Variants in DHRS7 observed in about 807,000 individuals in gnomAD.
DHRS7 encodes the protein dehydrogenase/reductase 7, also known as dehydrogenase/reductase SDR family member 7.
DHRS7 carries 34 observed loss-of-function variants against 38.9 expected under a neutral mutation model. That is an observed-to-expected ratio of 0.87 (90% CI 0.66 to 1.16). DHRS7 has a LOEUF of 1.16. Ranked by LOEUF, DHRS7 falls within the 50% of genes most tolerant of loss-of-function variation. The pLI is 0.00. For missense variants in DHRS7, 421 were observed against 407.0 expected (o/e 1.03, Z -0.30); for synonymous variants, 158 against 153.1 (o/e 1.03, Z -0.24).
intron 1 of DHRS7, among the ~76,000 whole-genome samples, chr14:60,160,586 G>A (rs183436772): frequency 1.3e-5 from 2 of 151,414 alleles, no homozygotes; most frequent in African/African-American, 2.4e-5. Flanking sequence ...GTTTTTTGGC[G>A]GGGGGACGGG....
At chr14:60,159,194 G>A in intron 1 of DHRS7, 1 of 362,934 alleles carries the variant, frequency 2.8e-6, no homozygotes, top group Non-Finnish European at 5.5e-6. Context: ...AGATCTCCCT[G>A]TCAGAGGAGA....
chr14:60,145,287 T>C lies in DHRS7; in HGVS notation c.973-274A>G. The C allele has an allele frequency of 7.6e-6, 2 of 263,728 alleles. No homozygotes were observed. Among genetic ancestry groups the C allele is most frequent in the East Asian group, 7.2e-5 (1 of 13,950 alleles). 16.3% of individuals were successfully genotyped at this position (263,728 alleles called of 1,614,324 possible). ...AATGCTAAATTCTCTATAATGACTTTTCTGGATCAGCATATCATACCTACA... is the reference window on the plus strand; with the variant it reads ...AATGCTAAATTCTCTATAATGACTTCTCTGGATCAGCATATCATACCTACA... On this transcript the variant is annotated intron_variant, in intron 6 of 6. Coordinates refer to ENST00000557185, the MANE Select transcript of DHRS7 (RefSeq NM_016029.4). This position sits in a 1 kb window ranked among gnomAD's most constrained non-coding sequence, Gnocchi z 4.0.
chr14:60,151,006 TC>T (rs1387058768), intron 4 of DHRS7, among the ~76,000 whole-genome samples: 1 of 152,066 alleles, frequency 6.6e-6, no homozygotes, highest in Non-Finnish European at 1.5e-5. Context: ...ATCACTGAGG[TC>T]AGGTTTCTAT....
chr14:60,146,483 C>T lies in DHRS7; in HGVS notation c.973-1470G>A, dbSNP rs1566528307. The T allele has an allele frequency of 6.6e-6, 1 of 151,946 alleles. No homozygotes were observed. Among genetic ancestry groups the T allele is most frequent in the East Asian group, 1.9e-4 (1 of 5,194 alleles). The allele number at this position is 151,946 out of a possible 1,614,324, so 9.4% of individuals were successfully genotyped here. A position where few individuals can be genotyped will look rare whatever the true frequency, so the allele number is the denominator to read the frequency against. On this transcript the variant is annotated intron_variant, in intron 6 of 6. Transcript: ENST00000557185. The surrounding 1 kb of genome is among the most constrained non-coding windows in gnomAD (Gnocchi z 4.9). Reference sequence around the variant, plus strand: ...CATTATGGAAAATACGGAAATTCCTCAAAAAATTAAAAATAGAATTACCAT... The same window carrying T: ...CATTATGGAAAATACGGAAATTCCTTAAAAAATTAAAAATAGAATTACCAT...
Position 60,150,196 on chromosome 14 carries a change from CAAA to C in DHRS7, c.634-12_634-10del, listed in dbSNP as rs56277430. ...AGGCCATTAAAAAAACCCTAACAGA[CAAA>C]AAAAAAAAAAAAGGAAAAAGGCAAA... On this transcript the variant is annotated splice_polypyrimidine_tract_variant and intron_variant, in intron 4 of 6. Transcript: ENST00000557185. 2,568 of 1,176,994 alleles carry C rather than the reference CAAA, an allele frequency of 2.2e-3. No individual in the cohort carries two copies. Among genetic ancestry groups the C allele is most frequent in the South Asian group, 7.1e-3 (273 of 38,464 alleles). The allele number at this position is 1,176,994 out of a possible 1,614,324, so 72.9% of individuals were successfully genotyped here.
At position 60,153,843 on chromosome 14, in the gene DHRS7, G is replaced by T; in HGVS notation, c.393+116C>A. 1.3e-6 allele frequency: 1 copy of T among 795,912 alleles called. No individual in the cohort carries two copies. 49.3% of individuals were successfully genotyped at this position (795,912 alleles called of 1,614,324 possible). A position where few individuals can be genotyped will look rare whatever the true frequency, so the allele number is the denominator to read the frequency against. ...ATTAAGGGGCCCAACTCATGGGCCC[G>T]ATCTCACTGCATGGACCCCACTTGC... On this transcript the variant is annotated intron_variant, in intron 3 of 6. Coordinates refer to ENST00000557185, the MANE Select transcript of DHRS7 (RefSeq NM_016029.4). The surrounding 1 kb of genome is among the most constrained non-coding windows in gnomAD (Gnocchi z 4.4).
Position 60,156,219 on chromosome 14 carries a change from G to GA in DHRS7, c.134-68dup, listed in dbSNP as rs370446768. 8.1e-3 allele frequency: 8,777 copies of GA among 1,085,076 alleles called. 9 individuals are homozygous for GA. Among genetic ancestry groups the GA allele is most frequent in the East Asian group, 0.023 (651 of 27,954 alleles). 67.2% of individuals were successfully genotyped at this position (1,085,076 alleles called of 1,614,324 possible). A position where few individuals can be genotyped will look rare whatever the true frequency, so the allele number is the denominator to read the frequency against. ...AATTACGCTCATAAATCCAAGATTA[G>GA]AAAAAAAAAAGAAAGCCTTAAACAA... On this transcript the variant is annotated intron_variant, in intron 1 of 6. Coordinates refer to ENST00000557185, the MANE Select transcript of DHRS7 (RefSeq NM_016029.4).
chr14:60,166,967 G>A (rs1257133890), upstream of DHRS7, among the ~76,000 whole-genome samples: 1 of 146,688 alleles, frequency 6.8e-6, no homozygotes. Flanking sequence ...ACCAGAGGCT[G>A]AGAAGAGTAG....
chr14:60,156,123 C>A lies in DHRS7; in HGVS notation c.163G>T (p.Val55Leu). Residue 55 changes from valine (V) to leucine (L), a missense_variant, in exon 2 of 7, where the codon GTG (valine) becomes TTG (leucine). By Grantham distance (32) the Val-to-Leu change is conservative. Transcript: ENST00000557185. ...CCAATTCCACTCGAGGCTCCAGTCA[C>A]CCACACCACCATATCAGTCAGCTCC... ...EWELTDMVVW[V>L]TGASSGIGEE... is the part of the protein sequence containing the mutation. 1 of 1,598,184 alleles carries A rather than the reference C, an allele frequency of 6.3e-7. No homozygotes were observed. Among genetic ancestry groups the A allele is most frequent in the East Asian group, 2.3e-5 (1 of 43,618 alleles).
At chr14:60,167,615 AC>A (rs554218200), upstream of DHRS7, among the ~76,000 whole-genome samples, 7 of 152,346 alleles carry the variant, frequency 4.6e-5, no homozygotes, top group African/African-American at 1.4e-4. Flanking sequence ...AAAGCATTAT[AC>A]AAAAATAACT....
Position 60,162,280 on chromosome 14 carries a change from G to A in DHRS7, c.133+2897C>T, listed in dbSNP as rs2140613631. Among the ~76,000 whole-genome samples the A allele has an allele frequency of 1.3e-5, 2 of 152,162 alleles. No individual in the cohort carries two copies. Among genetic ancestry groups the A allele is most frequent in the Non-Finnish European group, 2.9e-5 (2 of 67,988 alleles). ...CCTAGCTACTGGGGAGGCTGAGGTG[G>A]GAGGATTGCCTGAGCCCAGGAGTTC... On this transcript the variant is annotated intron_variant, in intron 1 of 6. Coordinates refer to ENST00000557185, the MANE Select transcript of DHRS7 (RefSeq NM_016029.4). This position sits in a 1 kb window ranked among gnomAD's most constrained non-coding sequence, Gnocchi z 4.5.
intron 2 of DHRS7, 98 bp downstream of exon 2, chr14:60,155,902 G>A (rs1004117525): frequency 8.2e-7 from 1 of 1,224,840 alleles, no homozygotes; most frequent in African/African-American, 1.6e-5. Flanking sequence ...TTTGGAGCCG[G>A]GGGGAAATCT....
At chr14:60,158,478 A>G (rs1896702167) in intron 1 of DHRS7, among the ~76,000 whole-genome samples, 1 of 152,196 alleles carries the variant, frequency 6.6e-6, no homozygotes, top group African/African-American at 2.4e-5. Flanking sequence ...CATTTGTTTT[A>G]GAAACACAGG....
rs746648947 is a variant in DHRS7, at chr14:60,144,847, A to G, written c.*119T>C. 4.8e-6 allele frequency: 4 copies of G among 841,980 alleles called. No individual in the cohort carries two copies. Among genetic ancestry groups the G allele is most frequent in the Admixed American group, 2.1e-5 (1 of 48,660 alleles). The allele number at this position is 841,980 out of a possible 1,614,324, so 52.2% of individuals were successfully genotyped here. A position where few individuals can be genotyped will look rare whatever the true frequency, so the allele number is the denominator to read the frequency against. On this transcript the variant is annotated 3_prime_UTR_variant, in exon 7 of 7. Transcript: ENST00000557185. ...TTCATTCCATGTTGGAAGCAAAGTC[A>G]TATCTATTAAAAAGTAAAATCACAA...
rs759724417 is a variant in DHRS7 at position 60,144,887 on chromosome 14, A to C, written c.*79T>G. 1 of 1,198,880 alleles carries C rather than the reference A, an allele frequency of 8.3e-7. No individual in the cohort carries two copies. The highest frequency in any genetic ancestry group is 1.5e-5 in the African/African-American group (1 of 64,622). The allele number at this position is 1,198,880 out of a possible 1,614,324, so 74.3% of individuals were successfully genotyped here. On this transcript the variant is annotated 3_prime_UTR_variant, in exon 7 of 7. Transcript: ENST00000557185. ...TAAAATCACAAATTAGTCTTTGATT[A>C]TTCAGAAGCATAAGAAGATTGCTGT...
Position 60,162,191 on chromosome 14 carries a change from T to C in DHRS7, c.133+2986A>G, listed in dbSNP as rs1398681837. 2.6e-5 allele frequency among the ~76,000 whole-genome samples: 4 copies of C among 152,160 alleles called. No homozygotes were observed. The highest frequency in any genetic ancestry group is 3.9e-4 in the East Asian group (2 of 5,180). On this transcript the variant is annotated intron_variant, in intron 1 of 6. Coordinates refer to ENST00000557185, the MANE Select transcript of DHRS7 (RefSeq NM_016029.4). This position sits in a 1 kb window ranked among gnomAD's most constrained non-coding sequence, Gnocchi z 4.5. ...AGGAGTTCAAGACCAGCCTGGAACA[T>C]AGTGAGAGCCTGTTTCTACAAAAAG...
In DHRS7 at chr14:60,165,295, C is replaced by T; in HGVS notation, c.15G>A (p.Leu5=). MNWE[L]LLWLLVLCAL... ...CGCACAGCACCAGCAGCCACAGCAGCAGCTCCCAGTTCATTGCGGCCGCGC... is the reference window on the plus strand; with the variant it reads ...CGCACAGCACCAGCAGCCACAGCAGTAGCTCCCAGTTCATTGCGGCCGCGC... The change falls in exon 1 of 7, where the codon CTG becomes CTA. Residue 5 remains leucine (L), a synonymous_variant. Transcript: ENST00000557185. This position sits in a 1 kb window ranked among gnomAD's most constrained non-coding sequence, Gnocchi z 4.6. 1.3e-6 allele frequency: 2 copies of T among 1,593,218 alleles called. No homozygotes were observed. The highest frequency in any genetic ancestry group is 1.7e-6 in the Non-Finnish European group (2 of 1,172,724).
In DHRS7 at chr14:60,162,910, C is replaced by A. The variant is rs1190286653; in HGVS notation, c.133+2267G>T. ...TCCTGCCAGGCGCAGTGGCTAATGCCTGTAATCCCAACACTTTGGGAGGCA... is the reference window on the plus strand; with the variant it reads ...TCCTGCCAGGCGCAGTGGCTAATGCATGTAATCCCAACACTTTGGGAGGCA... On this transcript the variant is annotated intron_variant, in intron 1 of 6. Coordinates refer to ENST00000557185, the MANE Select transcript of DHRS7 (RefSeq NM_016029.4). This position sits in a 1 kb window ranked among gnomAD's most constrained non-coding sequence, Gnocchi z 4.5. 6.6e-6 allele frequency among the ~76,000 whole-genome samples: 1 copy of A among 152,186 alleles called. No individual in the cohort carries two copies. Among genetic ancestry groups the A allele is most frequent in the Non-Finnish European group, 1.5e-5 (1 of 68,032 alleles).
At position 60,161,374 on chromosome 14, in the gene DHRS7, A is replaced by T. The variant is rs1359669254; in HGVS notation, c.133+3803T>A. ...CATCCCTTTTGTGACCTAGACAGAC[A>T]TTTAAATTGTGTTGCAATTCTGCTT... On this transcript the variant is annotated intron_variant, in intron 1 of 6. Transcript: ENST00000557185. This position sits in a 1 kb window ranked among gnomAD's most constrained non-coding sequence, Gnocchi z 4.2. Among the ~76,000 whole-genome samples, 1 of 152,216 alleles carries T rather than the reference A, an allele frequency of 6.6e-6. No homozygotes were observed. The highest frequency in any genetic ancestry group is 1.9e-4 in the East Asian group (1 of 5,204).
Sources: allele counts gnomAD v4.1 joint callset (sites outside exome capture counted in the v4.1 genomes callset), GRCh38; gene constraint gnomAD v4.1.1; non-coding constraint Gnocchi (gnomAD v3.1); transcripts MANE v1.5; gene names NCBI Gene and HGNC (gene_info 2026-07-23, HGNC 2026-07-21).